Variants in NKAIN3 observed in about 807,000 individuals in gnomAD.
NKAIN3 encodes sodium/potassium-transporting ATPase subunit beta-1-interacting protein 3.
NKAIN3 carries 25 observed loss-of-function variants against 30.2 expected under a neutral mutation model. The observed-to-expected ratio is 0.83, with a 90% CI of 0.60 to 1.16. NKAIN3 has a LOEUF of 1.16. NKAIN3 is among the 50% of genes most tolerant of loss of function. NKAIN3 has a pLI of 0.00. For synonymous variants in NKAIN3, 91 were observed against 89.6 expected, an observed-to-expected ratio of 1.02 and a Z score of -0.09; for missense variants, 225 against 254.1, an observed-to-expected ratio of 0.89 and a Z score of 0.78.
chr8:62,435,464 A>G (rs1342077928), intron 1 of NKAIN3, among the ~76,000 whole-genome samples: 1 of 152,176 alleles, frequency 6.6e-6, no homozygotes, highest in Admixed American at 6.6e-5. Context: ...AAAAGATGTA[A>G]TCTACTTAAG....
chr8:62,618,454 C>T (rs1228702458), intron 3 of NKAIN3, among the ~76,000 whole-genome samples: 3 of 152,134 alleles, frequency 2.0e-5, no homozygotes, highest in Non-Finnish European at 2.9e-5. Flanking sequence ...GCAGCTGTCT[C>T]ATCCTGCTGT....
At chr8:62,709,153 G>A (rs1814635043) in intron 3 of NKAIN3, among the ~76,000 whole-genome samples, 1 of 152,088 alleles carries the variant, frequency 6.6e-6, no homozygotes, top group Non-Finnish European at 1.5e-5. Context: ...TTAGCATCAT[G>A]TTCATCAAGG....
At chr8:62,434,038 A>T (rs1456282226) in intron 1 of NKAIN3, among the ~76,000 whole-genome samples, 1 of 151,896 alleles carries the variant, frequency 6.6e-6, no homozygotes, top group Non-Finnish European at 1.5e-5. Flanking sequence ...GTTTGTCCTC[A>T]TGGAGCTTGT....
chr8:62,511,404 C>T (rs904539186), intron 1 of NKAIN3, among the ~76,000 whole-genome samples: 5 of 152,158 alleles, frequency 3.3e-5, no homozygotes, highest in African/African-American at 1.2e-4. Context: ...AGGCCACTCT[C>T]AGATGCCACC....
chr8:62,254,080 G>T (rs1812192142), intron 1 of NKAIN3, among the ~76,000 whole-genome samples: 1 of 151,854 alleles, frequency 6.6e-6, no homozygotes, highest in Non-Finnish European at 1.5e-5. Context: ...GACTGGTATT[G>T]AAACCATTCT....
chr8:62,849,600 TC>T (rs954391526), intron 4 of NKAIN3, among the ~76,000 whole-genome samples: 1 of 67,702 alleles, frequency 1.5e-5, no homozygotes, highest in African/African-American at 5.8e-5. Flanking sequence ...CCCTCTCCCC[TC>T]CCCCCCACCC....
chr8:62,317,685 A>G (rs889500314), intron 1 of NKAIN3, among the ~76,000 whole-genome samples: 8 of 152,162 alleles, frequency 5.3e-5, no homozygotes, highest in African/African-American at 1.9e-4. Flanking sequence ...GTAGCCTTGT[A>G]ACATAGTTTG....
At chr8:62,830,785 C>T (rs1317427455) in intron 4 of NKAIN3, among the ~76,000 whole-genome samples, 1 of 152,158 alleles carries the variant, frequency 6.6e-6, no homozygotes, top group Non-Finnish European at 1.5e-5. Context: ...ATGCAGAGAA[C>T]TTCCAGCAGA....
chr8:62,377,171 G>GA (rs34556649), intron 1 of NKAIN3, among the ~76,000 whole-genome samples: 1 of 151,972 alleles, frequency 6.6e-6, no homozygotes, highest in Admixed American at 6.6e-5. Flanking sequence ...TTTCTGCTAT[G>GA]AAAAAAATGT....
rs547662146 is a variant in NKAIN3 at position 62,760,255 on chromosome 8, A to C, written c.471+13126A>C. Among the ~76,000 whole-genome samples the C allele has an allele frequency of 1.1e-4, 16 of 152,248 alleles. No homozygotes were observed. The South Asian group carries it at 3.3e-3, about 32-fold the overall frequency. On this transcript the variant is annotated intron_variant, in intron 4 of 6. Coordinates refer to ENST00000623646, the MANE Select transcript of NKAIN3 (RefSeq NM_001304533.3). Reference sequence around the variant, plus strand: ...GATCTAGAACTAGAAATACCATTTGACCCAGCAATCCCATTACTGGGTATA... The same window carrying C: ...GATCTAGAACTAGAAATACCATTTGCCCCAGCAATCCCATTACTGGGTATA...
chr8:62,440,054 T>G (rs1304499796), intron 1 of NKAIN3, among the ~76,000 whole-genome samples: 1 of 152,202 alleles, frequency 6.6e-6, no homozygotes, highest in African/African-American at 2.4e-5. Flanking sequence ...TAGCCAAAAT[T>G]GGGTCCTTTG....
intron 4 of NKAIN3, among the ~76,000 whole-genome samples, chr8:62,909,321 G>C (rs947695025): frequency 6.6e-6 from 1 of 152,154 alleles, no homozygotes; most frequent in Non-Finnish European, 1.5e-5. Flanking sequence ...AAAGAAGATG[G>C]AATGTATGCT....
intron 4 of NKAIN3, among the ~76,000 whole-genome samples, chr8:62,812,634 A>G (rs1430068476): frequency 6.6e-6 from 1 of 151,760 alleles, no homozygotes; most frequent in Non-Finnish European, 1.5e-5. Flanking sequence ...GAATTTTTTC[A>G]TATAGACAAT....
At chr8:62,336,580 C>A (rs1291869948) in intron 1 of NKAIN3, among the ~76,000 whole-genome samples, 1 of 151,834 alleles carries the variant, frequency 6.6e-6, no homozygotes, top group African/African-American at 2.4e-5. Flanking sequence ...TGCTTGATTC[C>A]AAAGCTGTCC....
chr8:62,492,476 C>G (rs1337896335), intron 1 of NKAIN3, among the ~76,000 whole-genome samples: 2 of 152,046 alleles, frequency 1.3e-5, no homozygotes, highest in Non-Finnish European at 1.5e-5. Context: ...TATGTCCTAC[C>G]TTATTGAATT....
At chr8:62,494,285 G>A in intron 1 of NKAIN3, among the ~76,000 whole-genome samples, 1 of 152,054 alleles carries the variant, frequency 6.6e-6, no homozygotes, top group African/African-American at 2.4e-5. Flanking sequence ...TAATCATGTG[G>A]TTTTTGTCTT....
chr8:62,925,148 C>T (rs868455777), intron 5 of NKAIN3, among the ~76,000 whole-genome samples: 2 of 152,160 alleles, frequency 1.3e-5, no homozygotes, highest in South Asian at 2.1e-4. Flanking sequence ...TGAATCTGCA[C>T]TCAACTTACT....
chr8:62,285,404 T>G (rs933396542), intron 1 of NKAIN3, among the ~76,000 whole-genome samples: 1 of 152,150 alleles, frequency 6.6e-6, no homozygotes, highest in African/African-American at 2.4e-5. Flanking sequence ...TATCAGGAGC[T>G]GTGGTATTCT....
At chr8:62,643,816 T>A (rs1377593454) in intron 3 of NKAIN3, among the ~76,000 whole-genome samples, 5 of 149,384 alleles carry the variant, frequency 3.3e-5, no homozygotes, top group Non-Finnish European at 7.4e-5. Flanking sequence ...GTTGGATCTC[T>A]TGTTGTTTTT....
Sources: gnomAD v4.1 joint callset for allele counts (sites outside exome capture counted in the v4.1 genomes callset) on GRCh38, gnomAD v4.1.1 for gene constraint, MANE v1.5 for transcripts, NCBI Gene and HGNC (gene_info 2026-07-23, HGNC 2026-07-21) for gene names.